TBCK: variants seen among roughly 807,000 people sequenced by gnomAD.
TBCK encodes TBC1 domain containing kinase, also known as TBC domain-containing protein kinase-like protein.
In TBCK, 99 loss-of-function variants were observed where a neutral mutation model predicts 113.4. That is an observed-to-expected ratio of 0.87 (90% CI 0.74 to 1.03). TBCK has a LOEUF of 1.03. TBCK is among the 50% of genes least tolerant of loss of function. TBCK has a pLI of 0.00. For synonymous variants in TBCK, 369 were observed against 370.8 expected (o/e 1.00, Z 0.05); for missense variants, 1,045 against 1,061.3 (o/e 0.98, Z 0.21).
chr4:106,208,657 T>C (rs911691385), intron 20 of TBCK, among the ~76,000 whole-genome samples: 1 of 152,004 alleles, frequency 6.6e-6, no homozygotes, highest in Non-Finnish European at 1.5e-5. Context: ...ACAACCTTAT[T>C]CTTGGACATG....
chr4:106,110,210 G>A (rs1357004199), intron 24 of TBCK, among the ~76,000 whole-genome samples: 1 of 152,202 alleles, frequency 6.6e-6, no homozygotes, highest in Non-Finnish European at 1.5e-5. Flanking sequence ...TCTGTCAGCG[G>A]TCTGGTCCCT....
At position 106,049,660 on chromosome 4, in the gene TBCK, C is replaced by A. The variant is rs575604299; in HGVS notation, c.2572-2980G>T. On this transcript the variant is annotated intron_variant, in intron 25 of 25. Transcript: ENST00000394708. ...ATCTTTCATTTTTCATCTGGCAGGG[C>A]TTTTGACTGTATACTCCACAGAGTG... 3.9e-4 allele frequency among the ~76,000 whole-genome samples: 59 copies of A among 152,012 alleles called. 1 individual carries two copies. The highest frequency in any genetic ancestry group is 1.4e-3 in the African/African-American group (56 of 41,476).
chr4:106,052,099 G>T (rs757931699), intron 25 of TBCK, among the ~76,000 whole-genome samples: 11 of 151,660 alleles, frequency 7.3e-5, no homozygotes, highest in Admixed American at 1.3e-4. Flanking sequence ...ACTCATTGAA[G>T]TTTATTTTCT....
At chr4:106,102,436 C>T (rs1413322886) in intron 24 of TBCK, among the ~76,000 whole-genome samples, 3 of 152,074 alleles carry the variant, frequency 2.0e-5, no homozygotes, top group South Asian at 4.1e-4. Context: ...TCAACAGTAG[C>T]GTTTCAGGCA....
At chr4:106,297,496 C>T (rs1482735786) in intron 2 of TBCK, among the ~76,000 whole-genome samples, 2 of 152,196 alleles carry the variant, frequency 1.3e-5, no homozygotes, top group Non-Finnish European at 2.9e-5. Context: ...CAGCCAGCAT[C>T]ATCTCATTAG....
chr4:106,047,183 T>G (rs1434789131), intron 25 of TBCK, among the ~76,000 whole-genome samples: 2 of 152,068 alleles, frequency 1.3e-5, no homozygotes, highest in African/African-American at 4.8e-5. Context: ...ACAACTAACA[T>G]TTTGAGTCCA....
At chr4:106,048,375 C>A (rs937137062) in intron 25 of TBCK, among the ~76,000 whole-genome samples, 2 of 152,030 alleles carry the variant, frequency 1.3e-5, no homozygotes, top group African/African-American at 4.8e-5. Context: ...TATTTCACAT[C>A]CTATCCTCTC....
At position 106,260,479 on chromosome 4, in the gene TBCK, T is replaced by C; in HGVS notation, c.413A>G (p.Tyr138Cys). 7.1e-7 allele frequency: 1 copy of C among 1,400,744 alleles called. No individual in the cohort carries two copies. The highest frequency in any genetic ancestry group is 9.5e-7 in the Non-Finnish European group (1 of 1,055,076). The allele number at this position is 1,400,744 out of a possible 1,614,324, so 86.8% of individuals were successfully genotyped here. A position where few individuals can be genotyped will look rare whatever the true frequency, so the allele number is the denominator to read the frequency against. ...GHIKLAKFGL[Y>C]HMTAHGDDVD... is the part of the protein sequence containing the mutation. The stretch of plus-strand genomic sequence containing the variant: ...ATCATCACCATGAGCTGTCATGTGA[T>C]AAAGTCCAAATTTAGCCAATTTAAT... The change falls in exon 5 of 26, where the codon TAT (tyrosine) becomes TGT (cysteine). Residue 138 changes from tyrosine to cysteine, a missense_variant. By Grantham distance (194) the Tyr-to-Cys change is radical. Coordinates refer to ENST00000394708, the MANE Select transcript of TBCK (RefSeq NM_001163435.3).
chr4:106,277,378 A>G (rs1764145090), intron 3 of TBCK, among the ~76,000 whole-genome samples: 1 of 152,196 alleles, frequency 6.6e-6, no homozygotes, highest in South Asian at 2.1e-4. Context: ...AAGGCCACAA[A>G]AAAAAGACTT....
At chr4:106,221,189 T>G (rs1757636346) in intron 19 of TBCK, among the ~76,000 whole-genome samples, 2 of 152,178 alleles carry the variant, frequency 1.3e-5, no homozygotes, top group South Asian at 4.1e-4. Flanking sequence ...TTCACCCTGT[T>G]TGCCAGGCTG....
chr4:106,129,233 GACCCATC>G (rs770665260), intron 23 of TBCK, among the ~76,000 whole-genome samples: 21 of 152,080 alleles, frequency 1.4e-4, no homozygotes, highest in Non-Finnish European at 2.4e-4. Context: ...TGCACCTATT[GACCCATC>G]ACCTAGGTAT....
At chr4:106,247,913 A>G (rs1431085295) in intron 9 of TBCK, 1 of 178,192 alleles carries the variant, frequency 5.6e-6, no homozygotes, top group African/African-American at 2.4e-5. Flanking sequence ...CATATTGACA[A>G]CAAACTTTTA....
In TBCK at chr4:106,295,055, T is replaced by G. The variant is rs781715044; in HGVS notation, c.266+39A>C. On this transcript the variant is annotated intron_variant, in intron 3 of 25. Coordinates refer to ENST00000394708, the MANE Select transcript of TBCK (RefSeq NM_001163435.3). ...ACAAAATGCCTTTTTGTTTGCCAAG[T>G]TCTGCTTTTCATTTAATTGTTCTGA... 2.6e-6 allele frequency: 4 copies of G among 1,519,994 alleles called. No individual in the cohort carries two copies. In the Admixed American group the frequency reaches 5.8e-5, roughly 22 times the overall value. 94.2% of individuals were successfully genotyped at this position (1,519,994 alleles called of 1,614,324 possible). A position where few individuals can be genotyped will look rare whatever the true frequency, so the allele number is the denominator to read the frequency against.
intron 20 of TBCK, among the ~76,000 whole-genome samples, chr4:106,198,928 A>G (rs1316196806): frequency 6.6e-6 from 1 of 152,116 alleles, no homozygotes. Context: ...CTTTCCTATC[A>G]TATTCTCTGC....
chr4:106,301,290 T>G (rs1463402269), intron 2 of TBCK, among the ~76,000 whole-genome samples: 1 of 115,842 alleles, frequency 8.6e-6, no homozygotes, highest in Non-Finnish European at 2.2e-5. Flanking sequence ...TTCTCTACTT[T>G]AATTTCAAAT....
At chr4:106,157,840 G>A (rs1749308219) in intron 23 of TBCK, among the ~76,000 whole-genome samples, 1 of 152,124 alleles carries the variant, frequency 6.6e-6, no homozygotes, top group Non-Finnish European at 1.5e-5. Context: ...CAGAAGACAT[G>A]CTCGGTGAAG....
chr4:106,289,523 C>A (rs1765455270), intron 3 of TBCK, among the ~76,000 whole-genome samples: 1 of 152,070 alleles, frequency 6.6e-6, no homozygotes, highest in African/African-American at 2.4e-5. Flanking sequence ...GTAATCCCAG[C>A]ACTTTGAGAG....
Position 106,171,113 on chromosome 4 carries a change from A to G in TBCK, c.2217T>C (p.Asp739=), listed in dbSNP as rs772271115. Residue 739 remains aspartate, a synonymous_variant, in exon 23 of 26, where the codon GAT becomes GAC. Transcript: ENST00000394708. The part of the protein sequence containing the change: ...SAPYFSAECP[D]PPKTDLSRES... ...TACATACCAGATCTGTCTTTGGAGGATCTGGACACTCAGCAGAGAAATAAG... is the reference window on the plus strand; with the variant it reads ...TACATACCAGATCTGTCTTTGGAGGGTCTGGACACTCAGCAGAGAAATAAG... The G allele has an allele frequency of 2.5e-6, 4 of 1,609,570 alleles. No individual in the cohort carries two copies. The Admixed American group carries it at 5.1e-5, about 21-fold the overall frequency.
chr4:106,105,088 G>A (rs931519556), intron 24 of TBCK, among the ~76,000 whole-genome samples: 15 of 152,202 alleles, frequency 9.9e-5, no homozygotes, highest in African/African-American at 3.6e-4. Context: ...CTCTGCAGTG[G>A]AACTGCCCTA....
Sources: gnomAD v4.1 joint callset for allele counts (sites outside exome capture counted in the v4.1 genomes callset) on GRCh38, gnomAD v4.1.1 for gene constraint, MANE v1.5 for transcripts, NCBI Gene and HGNC (gene_info 2026-07-23, HGNC 2026-07-21) for gene names.